The following SPIDR variants were observed in gnomAD, a reference collection of about 807,000 sequenced individuals.
SPIDR encodes scaffold protein involved in DNA repair, also known as DNA repair-scaffolding protein.
A neutral mutation model predicts 104.6 loss-of-function variants in SPIDR; 93 were observed. That is an observed-to-expected ratio of 0.89 (90% confidence interval 0.75 to 1.06). SPIDR has a LOEUF of 1.06. Ranked by LOEUF, SPIDR falls within the 50% of genes least tolerant of loss-of-function variation. SPIDR has a pLI of 0.00. For synonymous variants in SPIDR, 431 were observed against 416.9 expected (o/e 1.03, Z -0.41); for missense variants, 1,154 against 1,111.2 (o/e 1.04, Z -0.55).
intron 5 of SPIDR, among the ~76,000 whole-genome samples, chr8:47,353,999 C>T (rs1302753485): frequency 1.3e-5 from 2 of 151,956 alleles, no homozygotes; most frequent in Non-Finnish European, 2.9e-5. Context: ...ATACAGACAA[C>T]GCTTTGATAC....
chr8:47,314,790 G>C (rs910113494), intron 5 of SPIDR, among the ~76,000 whole-genome samples: 1 of 152,256 alleles, frequency 6.6e-6, no homozygotes, highest in South Asian at 2.1e-4. Context: ...CCTAGGTCAG[G>C]TCTATGAATA....
chr8:47,538,567 A>C (rs1014293123), intron 8 of SPIDR, among the ~76,000 whole-genome samples: 10 of 152,058 alleles, frequency 6.6e-5, no homozygotes, highest in African/African-American at 2.4e-4. Context: ...AAGTAAGTAA[A>C]TTAATGTTCA....
chr8:47,551,822 T>G (rs565526477), intron 8 of SPIDR, among the ~76,000 whole-genome samples: 16 of 152,204 alleles, frequency 1.1e-4, no homozygotes, highest in South Asian at 6.2e-4. Context: ...GCTTTTGAAT[T>G]TTTTTGCTCT....
chr8:47,727,395 G>A lies in SPIDR; in HGVS notation c.2435+102G>A, dbSNP rs1440084966. 4.9e-6 allele frequency: 5 copies of A among 1,016,500 alleles called. No individual in the cohort carries two copies. In the Admixed American group the frequency reaches 1.0e-4, roughly 21 times the overall value. 63.0% of individuals were successfully genotyped at this position (1,016,500 alleles called of 1,614,324 possible). A position where few individuals can be genotyped will look rare whatever the true frequency, so the allele number is the denominator to read the frequency against. ...TTGCTACCTCAGGTGACTCCCTCGA[G>A]AGCTCAAGGGGCAACCTCTGCCTCT... is the stretch of plus-strand genomic sequence containing the variant. On this transcript the variant is annotated intron_variant, in intron 17 of 19. Coordinates refer to ENST00000297423, the MANE Select transcript of SPIDR (RefSeq NM_001080394.4).
At chr8:47,506,420 G>A (rs2081487341) in intron 8 of SPIDR, among the ~76,000 whole-genome samples, 1 of 152,156 alleles carries the variant, frequency 6.6e-6, no homozygotes, top group African/African-American at 2.4e-5. Context: ...GGTTCCACCA[G>A]TGCAGGTTCT....
At position 47,446,446 on chromosome 8, in the gene SPIDR, G is replaced by A. The variant is rs1554701808; in HGVS notation, c.1097+5904G>A. Among the ~76,000 whole-genome samples the A allele has an allele frequency of 3.9e-5, 6 of 152,238 alleles. No individual in the cohort carries two copies. The South Asian group carries it at 1.0e-3, about 26-fold the overall frequency. ...CCCTCATTGACAATGCACCTAGTCAGCCAAGAGCTCTAGATGTACAAGGAG... is the reference window on the plus strand; with the variant it reads ...CCCTCATTGACAATGCACCTAGTCAACCAAGAGCTCTAGATGTACAAGGAG... On this transcript the variant is annotated intron_variant, in intron 8 of 19. Coordinates refer to ENST00000297423, the MANE Select transcript of SPIDR (RefSeq NM_001080394.4).
chr8:47,699,060 T>C (rs956498034), intron 11 of SPIDR, among the ~76,000 whole-genome samples: 14 of 152,370 alleles, frequency 9.2e-5, no homozygotes, highest in Admixed American at 6.5e-4. Context: ...TCTTTTATCA[T>C]GCTCTTAATT....
chr8:47,463,533 C>T (rs1419811578), intron 8 of SPIDR, among the ~76,000 whole-genome samples: 2 of 151,954 alleles, frequency 1.3e-5, no homozygotes, highest in Non-Finnish European at 2.9e-5. Context: ...CTGAGGCTAG[C>T]ATTACCCTGT....
chr8:47,522,437 G>T (rs1172363171), intron 8 of SPIDR, among the ~76,000 whole-genome samples: 1 of 152,118 alleles, frequency 6.6e-6, no homozygotes, highest in Non-Finnish European at 1.5e-5. Context: ...TCTCCATTTG[G>T]TTGTCAGCAG....
At chr8:47,567,052 CTGGT>C (rs1179964857) in intron 8 of SPIDR, among the ~76,000 whole-genome samples, 3 of 152,004 alleles carry the variant, frequency 2.0e-5, no homozygotes, top group Non-Finnish European at 2.9e-5. Flanking sequence ...AATTTGTTCT[CTGGT>C]TGGAAGATTT....
At chr8:47,439,870 C>G in intron 7 of SPIDR, among the ~76,000 whole-genome samples, 1 of 152,196 alleles carries the variant, frequency 6.6e-6, no homozygotes, top group East Asian at 1.9e-4. Context: ...ATCATTGGAA[C>G]AGCTGCAGCC....
chr8:47,395,622 C>T (rs2061163720), intron 5 of SPIDR, among the ~76,000 whole-genome samples: 1 of 152,072 alleles, frequency 6.6e-6, no homozygotes, highest in South Asian at 2.1e-4. Context: ...AGACAGAAAA[C>T]ATCAGAAAAG....
At chr8:47,729,132 C>G (rs1211687034) in intron 18 of SPIDR, 85 bp downstream of exon 18, 2 of 1,559,820 alleles carry the variant, frequency 1.3e-6, no homozygotes, top group Non-Finnish European at 1.7e-6. Context: ...GGTGCACGTC[C>G]TCCTGTACGC....
intron 11 of SPIDR, among the ~76,000 whole-genome samples, chr8:47,691,191 C>T (rs1005579760): frequency 2.7e-5 from 4 of 148,466 alleles, no homozygotes; most frequent in African/African-American, 1.0e-4. Flanking sequence ...ACTGGGAGCC[C>T]GAAACACGAG....
At chr8:47,473,863 A>G (rs1038479287) in intron 8 of SPIDR, among the ~76,000 whole-genome samples, 7 of 152,186 alleles carry the variant, frequency 4.6e-5, no homozygotes, top group Non-Finnish European at 7.3e-5. Flanking sequence ...ATGAAAATAC[A>G]TGGTTCAGTG....
At chr8:47,599,257 G>C in intron 10 of SPIDR, 61 bp downstream of exon 10, 1 of 1,584,160 alleles carries the variant, frequency 6.3e-7, no homozygotes, top group African/African-American at 1.3e-5. Flanking sequence ...GAGTGCTCTA[G>C]AAAGTGGAGC....
chr8:47,661,392 C>A (rs1028733699), intron 10 of SPIDR, among the ~76,000 whole-genome samples: 4 of 152,238 alleles, frequency 2.6e-5, no homozygotes, highest in African/African-American at 9.6e-5. Flanking sequence ...GCCTGCAGCC[C>A]AAGCCTTAGC....
At position 47,592,397 on chromosome 8, in the gene SPIDR, A is replaced by T. The variant is rs113759422; in HGVS notation, c.1098-3414A>T. 3.6e-6 allele frequency: 5 copies of T among 1,403,148 alleles called. No individual in the cohort carries two copies. In the African/African-American group the frequency reaches 7.1e-5, roughly 20 times the overall value. The allele number at this position is 1,403,148 out of a possible 1,614,324, so 86.9% of individuals were successfully genotyped here. On this transcript the variant is annotated intron_variant, in intron 8 of 19. Transcript: ENST00000297423. ...GGATGATAAATTTTGGTCATGAAAC[A>T]TACTGTAGGGGCTGCCATTGAGTAT...
chr8:47,585,756 AG>A (rs1180637539), intron 8 of SPIDR, among the ~76,000 whole-genome samples: 2 of 152,152 alleles, frequency 1.3e-5, no homozygotes, highest in African/African-American at 4.8e-5. Context: ...AAGAGAGCTG[AG>A]CATGCTAGGT....
Sources: allele counts gnomAD v4.1 joint callset (sites outside exome capture counted in the v4.1 genomes callset), GRCh38; gene constraint gnomAD v4.1.1; transcripts MANE v1.5; gene names NCBI Gene and HGNC (gene_info 2026-07-23, HGNC 2026-07-21).